The following PCM1 variants were observed in gnomAD, a reference collection of about 807,000 sequenced individuals.
PCM1 encodes pericentriolar material 1 protein.
PCM1 carries 157 observed loss-of-function variants against 241.9 expected under a neutral mutation model. That is an observed-to-expected ratio of 0.65 (90% CI 0.57 to 0.74). PCM1 has a LOEUF of 0.74. Ranked by LOEUF, PCM1 falls within the 30% of genes least tolerant of loss-of-function variation. PCM1 has a pLI of 0.00. For missense variants in PCM1, 3,478 were observed against 2,360.1 expected (o/e 1.47, Z -9.81); for synonymous variants, 1,085 against 784.9 (o/e 1.38, Z -6.39).
Position 17,939,838 on chromosome 8 carries a change from A to T in PCM1, c.760A>T (p.Met254Leu). Residue 254 changes from methionine (M) to leucine (L), a missense_variant, in exon 6 of 39, where the codon ATG becomes TTG. Coordinates refer to ENST00000325083, the MANE Select transcript of PCM1 (RefSeq NM_006197.4). ...DHLKEQEKSYMKFLKKILARD... is the reference protein window; with the variant it reads ...DHLKEQEKSYLKFLKKILARD... Reference sequence around the variant, plus strand: ...CCTTAAAGAACAAGAGAAGTCATATATGAAATTTCTTAAAAAAATCCTTGT... The same window carrying T: ...CCTTAAAGAACAAGAGAAGTCATATTTGAAATTTCTTAAAAAAATCCTTGT... 6.6e-7 allele frequency: 1 copy of T among 1,509,466 alleles called. No homozygotes were observed. Among genetic ancestry groups the T allele is most frequent in the South Asian group, 1.2e-5 (1 of 80,074 alleles). The allele number at this position is 1,509,466 out of a possible 1,614,324, so 93.5% of individuals were successfully genotyped here.
At position 17,957,411 on chromosome 8, in the gene PCM1, T is replaced by G. The variant is rs1395083988; in HGVS notation, c.1794T>G (p.Pro598=). 7.4e-6 allele frequency: 12 copies of G among 1,612,280 alleles called. No individual in the cohort carries two copies. The highest frequency in any genetic ancestry group is 1.0e-5 in the Non-Finnish European group (12 of 1,178,804). ...SAANIRALNM[P]PSLDCRYNRE... ...CCAACATAAGGGCTCTAAACATGCC[T>G]CCTTCTTTAGGTATGACTGACTGTA... The change falls in exon 12 of 39, where the codon CCT becomes CCG. Residue 598 remains proline (P), a synonymous_variant. Coordinates refer to ENST00000325083, the MANE Select transcript of PCM1 (RefSeq NM_006197.4).
In PCM1 at chr8:18,029,453, CTG is replaced by C. The variant is rs373029835; in HGVS notation, c.*1793_*1794del. The stretch of plus-strand genomic sequence containing the variant: ...CACTTTAAGCAGGAAAGGGTAAAAA[CTG>C]TTTTGGTACTCAAGCCCAGCCTTAC... On this transcript the variant is annotated 3_prime_UTR_variant, in exon 39 of 39. Transcript: ENST00000325083. The C allele has an allele frequency of 8.3e-5, 18 of 216,630 alleles. No individual in the cohort carries two copies. The East Asian group carries it at 1.2e-3, about 15-fold the overall frequency. 13.4% of individuals were successfully genotyped at this position (216,630 alleles called of 1,614,324 possible). A position where few individuals can be genotyped will look rare whatever the true frequency, so the allele number is the denominator to read the frequency against.
At chr8:17,952,052 G>A (rs1280180310) in intron 8 of PCM1, among the ~76,000 whole-genome samples, 1 of 151,942 alleles carries the variant, frequency 6.6e-6, no homozygotes, top group Non-Finnish European at 1.5e-5. Context: ...GTGAAACCCT[G>A]TCTCAACTAA....
chr8:18,015,297 T>G (rs1011378249), intron 36 of PCM1, among the ~76,000 whole-genome samples: 7 of 151,142 alleles, frequency 4.6e-5, no homozygotes, highest in Non-Finnish European at 8.8e-5. Context: ...TAGTACTTAC[T>G]AAATGAAAAT....
chr8:17,955,989 G>A (rs868148580), intron 10 of PCM1: 1 of 326,470 alleles, frequency 3.1e-6, no homozygotes, highest in Non-Finnish European at 5.8e-6. Context: ...ACACAAGGCT[G>A]TGTTACCCTG....
intron 35 of PCM1, 72 bp downstream of exon 35, chr8:18,014,108 A>ACACAC: frequency 7.2e-6 from 6 of 834,660 alleles, no homozygotes; most frequent in Non-Finnish European, 9.3e-6. Flanking sequence ...AAAAAAAAAA[A>ACACAC]AAACACACAC....
intron 2 of PCM1, among the ~76,000 whole-genome samples, chr8:17,934,471 G>C (rs1210463780): frequency 6.6e-6 from 1 of 152,076 alleles, no homozygotes; most frequent in Non-Finnish European, 1.5e-5. Context: ...ATGTTGGCCA[G>C]GCTGGTCTTG....
intron 24 of PCM1, among the ~76,000 whole-genome samples, chr8:17,984,650 G>C (rs116684880): frequency 1.3e-5 from 2 of 151,828 alleles, no homozygotes; most frequent in East Asian, 1.9e-4. Context: ...TCACAAAAAT[G>C]AGTTTTTATG....
At chr8:18,002,886 T>G (rs1432519225) in intron 29 of PCM1, among the ~76,000 whole-genome samples, 8 of 121,028 alleles carry the variant, frequency 6.6e-5, no homozygotes, top group Non-Finnish European at 4.6e-5. Context: ...TTGAGAAGTG[T>G]CTGTTCATGT....
At position 17,939,722 on chromosome 8, in the gene PCM1, A is replaced by G. The variant is rs1266698475; in HGVS notation, c.644A>G (p.Tyr215Cys). 1.3e-6 allele frequency: 2 copies of G among 1,547,090 alleles called. No homozygotes were observed. Among genetic ancestry groups the G allele is most frequent in the Non-Finnish European group, 1.7e-6 (2 of 1,146,060 alleles). Residue 215 changes from tyrosine to cysteine, a missense_variant, in exon 6 of 39, where the codon TAT (tyrosine) becomes TGT (cysteine). Coordinates refer to ENST00000325083, the MANE Select transcript of PCM1 (RefSeq NM_006197.4). ...IVSRLVQIRDYITKASSMRED... is the reference protein window; with the variant it reads ...IVSRLVQIRDCITKASSMRED... Reference sequence around the variant, plus strand: ...AGCAGGCTTGTTCAAATTCGCGATTATATTACTAAAGCTAGTTCCATGCGG... The same window carrying G: ...AGCAGGCTTGTTCAAATTCGCGATTGTATTACTAAAGCTAGTTCCATGCGG...
chr8:17,967,169 A>G lies in PCM1; in HGVS notation c.3411A>G (p.Pro1137=). The G allele has an allele frequency of 6.3e-7, 1 of 1,579,980 alleles. No individual in the cohort carries two copies. The highest frequency in any genetic ancestry group is 1.8e-5 in the Admixed American group (1 of 54,774). ...PGFTNFSSFA[P]GMNFSPLFPS... is the part of the protein sequence containing the mutation. ...TTACTAACTTTTCATCATTTGCACCAGGTAGGTGACTTAACCTAAAGAGAA... is the reference window on the plus strand; with the variant it reads ...TTACTAACTTTTCATCATTTGCACCGGGTAGGTGACTTAACCTAAAGAGAA... The change falls in exon 21 of 39, where the codon CCA becomes CCG. Residue 1137 remains proline, a splice_region_variant and synonymous_variant. Coordinates refer to ENST00000325083, the MANE Select transcript of PCM1 (RefSeq NM_006197.4).
In PCM1 at chr8:18,029,705, G is replaced by C. The variant is rs1421725226; in HGVS notation, c.*2043G>C. ...ATATTTATTTAATCTGTTTTCTCTA[G>C]TAACTATTGCTGAAGGGTTAGGCAT... On this transcript the variant is annotated 3_prime_UTR_variant, in exon 39 of 39. Transcript: ENST00000325083. 1 of 196,788 alleles carries C rather than the reference G, an allele frequency of 5.1e-6. No individual in the cohort carries two copies. The highest frequency in any genetic ancestry group is 1.1e-5 in the Non-Finnish European group (1 of 95,078). The allele number at this position is 196,788 out of a possible 1,614,324, so 12.2% of individuals were successfully genotyped here.
intron 29 of PCM1, 102 bp downstream of exon 29, chr8:17,993,721 A>G: frequency 1.0e-6 from 1 of 962,062 alleles, no homozygotes; most frequent in Non-Finnish European, 1.5e-6. Flanking sequence ...TAGGTAAACA[A>G]CAACAAAAAA....
chr8:17,972,713 T>C (rs1383396401), intron 23 of PCM1, 26 bp downstream of exon 23: 1 of 1,392,726 alleles, frequency 7.2e-7, no homozygotes, highest in African/African-American at 1.5e-5. Context: ...TGTTGAATGT[T>C]GATCAGTGTA....
At chr8:17,969,138 C>T (rs1047414172) in intron 21 of PCM1, among the ~76,000 whole-genome samples, 4 of 151,950 alleles carry the variant, frequency 2.6e-5, no homozygotes, top group East Asian at 1.9e-4. Context: ...ACAACATAAG[C>T]GTAGGAGTCA....
intron 17 of PCM1, 117 bp from the exon 18 acceptor site, chr8:17,964,450 GA>G (rs994188900): frequency 7.2e-6 from 5 of 698,516 alleles, no homozygotes; most frequent in Non-Finnish European, 1.2e-5. Flanking sequence ...GTGATTAAAT[GA>G]AATTTTATAT....
chr8:17,957,503 A>G (rs1265255140), intron 12 of PCM1, 37 bp from the exon 13 acceptor site: 2 of 1,605,754 alleles, frequency 1.2e-6, no homozygotes, highest in Admixed American at 1.7e-5. Flanking sequence ...TCTTTCCTTT[A>G]AAAGTTACTG....
At chr8:17,958,916 T>G (rs1200372218) in intron 13 of PCM1, among the ~76,000 whole-genome samples, 1 of 152,070 alleles carries the variant, frequency 6.6e-6, no homozygotes, top group Non-Finnish European at 1.5e-5. Context: ...CAGATGGGGT[T>G]TCACCATATT....
intron 9 of PCM1, among the ~76,000 whole-genome samples, chr8:17,954,100 C>T (rs117175963): frequency 0.017 from 2,557 of 152,254 alleles, 40 homozygotes; most frequent in South Asian, 0.042. Flanking sequence ...AGAGTATAAT[C>T]CCAGTTTTTA....
Sources: gnomAD v4.1 joint callset for allele counts (sites outside exome capture counted in the v4.1 genomes callset) on GRCh38, gnomAD v4.1.1 for gene constraint, MANE v1.5 for transcripts, NCBI Gene and HGNC (gene_info 2026-07-23, HGNC 2026-07-21) for gene names.